IKBKB: variants seen among roughly 807,000 people sequenced by gnomAD.
IKBKB encodes the protein inhibitor of nuclear factor kappa B kinase subunit beta.
In IKBKB, 42 loss-of-function variants were observed where a neutral mutation model predicts 113.6. That is an observed-to-expected ratio of 0.37 (90% confidence interval 0.29 to 0.48). IKBKB has a LOEUF of 0.48. IKBKB is among the 20% of genes least tolerant of loss of function. The probability of loss-of-function intolerance (pLI) is 0.99; values close to 1 mark genes in which losing one functional copy is unlikely to be tolerated. For synonymous variants in IKBKB, 296 were observed against 361.3 expected, an observed-to-expected ratio of 0.82 and a Z score of 2.05; for missense variants, 673 against 939.7, an observed-to-expected ratio of 0.72 and a Z score of 3.71.
intron 2 of IKBKB, among the ~76,000 whole-genome samples, chr8:42,284,296 G>A (rs1339324956): frequency 6.6e-6 from 1 of 152,150 alleles, no homozygotes; most frequent in Non-Finnish European, 1.5e-5. Context: ...TAATACTGAG[G>A]TGATGTCCTG....
chr8:42,274,575 C>G (rs1251488216), intron 2 of IKBKB, among the ~76,000 whole-genome samples: 1 of 151,404 alleles, frequency 6.6e-6, no homozygotes, highest in Non-Finnish European at 1.5e-5. Context: ...TCTTGTCGCC[C>G]AGGCTGGAGT....
chr8:42,290,131 C>A, intron 3 of IKBKB, 25 bp from the exon 4 acceptor site: 2 of 1,548,570 alleles, frequency 1.3e-6, no homozygotes, highest in Non-Finnish European at 1.8e-6. Flanking sequence ...CCTGGGTCTG[C>A]TCTCATCGGT....
chr8:42,325,989 T>A lies in IKBKB; in HGVS notation c.2006T>A (p.Val669Asp), dbSNP rs201571411. 3 of 1,614,220 alleles carry A rather than the reference T, an allele frequency of 1.9e-6. No individual in the cohort carries two copies. Among genetic ancestry groups the A allele is most frequent in the Non-Finnish European group, 2.5e-6 (3 of 1,180,044 alleles). ...KIACSKVRGP[V>D]SGSPDSMNAS... is the part of the protein sequence containing the mutation. Reference sequence around the variant, plus strand: ...CCCTAGAGCAAGGTCCGTGGTCCTGTCAGTGGAAGCCCGGATAGCATGAAT... The same window carrying A: ...CCCTAGAGCAAGGTCCGTGGTCCTGACAGTGGAAGCCCGGATAGCATGAAT... Residue 669 changes from valine (V) to aspartate (D), a missense_variant, in exon 20 of 22, where the codon GTC (valine) becomes GAC (aspartate). Val to Asp is a radical substitution (Grantham distance 152). Transcript: ENST00000520810.
intron 3 of IKBKB, 99 bp from the exon 4 acceptor site, chr8:42,290,056 TG>T: frequency 1.2e-6 from 1 of 823,602 alleles, no homozygotes; most frequent in Non-Finnish European, 2.0e-6. Context: ...TTCAAAGCCC[TG>T]GGTTATCCTG....
intron 5 of IKBKB, among the ~76,000 whole-genome samples, chr8:42,296,227 T>C (rs1200968911): frequency 2.0e-5 from 3 of 152,248 alleles, no homozygotes; most frequent in African/African-American, 7.2e-5. Flanking sequence ...CTGGATGCGG[T>C]GGCTCACGCC....
At chr8:42,322,287 C>G in intron 18 of IKBKB, 60 bp from the exon 19 acceptor site, 3 of 1,606,652 alleles carry the variant, frequency 1.9e-6, no homozygotes, top group Non-Finnish European at 2.6e-6. Context: ...TGCACAGCTG[C>G]CACAGGTTCT....
chr8:42,314,131 G>A (rs921242200), intron 8 of IKBKB, 191 bp from the exon 9 acceptor site: 12 of 588,014 alleles, frequency 2.0e-5, no homozygotes, highest in African/African-American at 9.3e-5. Context: ...ATTCAGTACC[G>A]GAGCATGCTG....
intron 2 of IKBKB, among the ~76,000 whole-genome samples, chr8:42,283,800 A>C (rs1167296814): frequency 2.0e-5 from 3 of 152,192 alleles, no homozygotes; most frequent in Non-Finnish European, 2.9e-5. Context: ...CTGTGTATTG[A>C]AGTTACGTTG....
chr8:42,314,457 C>T (rs771637676), intron 9 of IKBKB, 28 bp downstream of exon 9: 2 of 1,373,156 alleles, frequency 1.5e-6, no homozygotes, highest in East Asian at 2.3e-5. Flanking sequence ...TACACGAATA[C>T]ATATCTTTCT....
chr8:42,277,500 T>C (rs1809423888), intron 2 of IKBKB, among the ~76,000 whole-genome samples: 1 of 152,054 alleles, frequency 6.6e-6, no homozygotes, highest in Admixed American at 6.6e-5. Context: ...TTATTTATTT[T>C]TAAAAAGCCA....
chr8:42,298,019 GAGC>G, intron 5 of IKBKB: 1 of 869,730 alleles, frequency 1.1e-6, no homozygotes, highest in Non-Finnish European at 1.4e-6. Flanking sequence ...GACCCATGTG[GAGC>G]AGCTGGAAAT....
intron 6 of IKBKB, among the ~76,000 whole-genome samples, 166 bp from the exon 7 acceptor site, chr8:42,306,177 C>T (rs900811078): frequency 6.6e-6 from 1 of 152,164 alleles, no homozygotes; most frequent in Non-Finnish European, 1.5e-5. Context: ...CTGAATCTAC[C>T]GTGTCGAGGG....
At chr8:42,327,626 C>T (rs549984136) in intron 20 of IKBKB, among the ~76,000 whole-genome samples, 1 of 150,824 alleles carries the variant, frequency 6.6e-6, no homozygotes, top group East Asian at 1.9e-4. Flanking sequence ...AGCCACTGCA[C>T]CCAGCCTTTT....
chr8:42,331,279 C>T lies in IKBKB; in HGVS notation c.*300C>T, dbSNP rs964057538. 1.1e-5 allele frequency: 8 copies of T among 702,002 alleles called. No individual in the cohort carries two copies. In the African/African-American group the frequency reaches 1.2e-4, roughly 11 times the overall value. 43.5% of individuals were successfully genotyped at this position (702,002 alleles called of 1,614,324 possible). A position where few individuals can be genotyped will look rare whatever the true frequency, so the allele number is the denominator to read the frequency against. On this transcript the variant is annotated 3_prime_UTR_variant, in exon 22 of 22. Coordinates refer to ENST00000520810, the MANE Select transcript of IKBKB (RefSeq NM_001556.3). ...GGTCCTCCATTACAGAGGCCCAGCGCACATCGCTGGCCCCACAAACGTTCA... is the reference window on the plus strand; with the variant it reads ...GGTCCTCCATTACAGAGGCCCAGCGTACATCGCTGGCCCCACAAACGTTCA...
At chr8:42,295,377 C>T (rs1813545149) in intron 5 of IKBKB, among the ~76,000 whole-genome samples, 1 of 152,128 alleles carries the variant, frequency 6.6e-6, no homozygotes, top group African/African-American at 2.4e-5. Context: ...TCTCAGCTTC[C>T]CAAAGTGCCG....
rs878972027 is a variant in IKBKB at position 42,316,611 on chromosome 8, T to C, written c.931-99T>C. 2 of 1,166,826 alleles carry C rather than the reference T, an allele frequency of 1.7e-6. No individual in the cohort carries two copies. The highest frequency in any genetic ancestry group is 5.0e-5 in the Admixed American group (2 of 39,912). 72.3% of individuals were successfully genotyped at this position (1,166,826 alleles called of 1,614,324 possible). A position where few individuals can be genotyped will look rare whatever the true frequency, so the allele number is the denominator to read the frequency against. On this transcript the variant is annotated intron_variant, in intron 10 of 21. Transcript: ENST00000520810. The surrounding 1 kb of genome is among the most constrained non-coding windows in gnomAD (Gnocchi z 4.5). ...CAAGCTAGGCCCTTGCTTTGTGTGG[T>C]TGGGAAATGTTGGGAGTAGCAGAGA...
At chr8:42,273,768 G>A (rs1376447397) in intron 2 of IKBKB, among the ~76,000 whole-genome samples, 1 of 151,754 alleles carries the variant, frequency 6.6e-6, no homozygotes, top group Non-Finnish European at 1.5e-5. Context: ...GTCCAGGCTC[G>A]TCTAGAACTC....
At chr8:42,321,666 C>T (rs1022978444) in intron 16 of IKBKB, 2 of 481,056 alleles carry the variant, frequency 4.2e-6, no homozygotes, top group East Asian at 3.5e-5. Flanking sequence ...GGACTACAGG[C>T]GCATGCCACC....
intron 5 of IKBKB, among the ~76,000 whole-genome samples, chr8:42,302,113 C>T (rs1245362181): frequency 1.3e-5 from 2 of 152,168 alleles, no homozygotes; most frequent in African/African-American, 4.8e-5. Flanking sequence ...CTCTGCCAGC[C>T]AGTAGTTCAT....
Sources: gnomAD v4.1 joint callset for allele counts (sites outside exome capture counted in the v4.1 genomes callset) on GRCh38, gnomAD v4.1.1 for gene constraint, Gnocchi (gnomAD v3.1) non-coding constraint, MANE v1.5 for transcripts, NCBI Gene and HGNC (gene_info 2026-07-23, HGNC 2026-07-21) for gene names.